Variants in PATE2 observed in about 807,000 individuals in gnomAD.
PATE2 encodes the protein prostate and testis expressed protein 2.
In PATE2, 7 loss-of-function variants were observed where a neutral mutation model predicts 10.5. The observed-to-expected ratio is 0.66, with a 90% confidence interval of 0.38 to 1.25. The LOEUF (loss-of-function observed/expected upper bound fraction) is 1.25. Ranked by LOEUF, PATE2 falls within the 50% of genes most tolerant of loss-of-function variation. The pLI, the probability that PATE2 is intolerant of heterozygous loss-of-function variation, is 0.02. For synonymous variants in PATE2, 44 were observed against 46.9 expected (o/e 0.94, Z 0.25); for missense variants, 133 against 135.4 (o/e 0.98, Z 0.09).
Position 125,777,168 on chromosome 11 carries a change from C to T in PATE2, c.*214G>A, listed in dbSNP as rs760077644. The T allele has an allele frequency of 8.4e-5, 42 of 502,296 alleles. No homozygotes were observed. Among genetic ancestry groups the T allele is most frequent in the Non-Finnish European group, 1.3e-4 (38 of 286,092 alleles). 31.1% of individuals were successfully genotyped at this position (502,296 alleles called of 1,614,324 possible). ...GAGCAAAACCCCTCCCACCTGTTAG[C>T]GACAGGGATGTGCAAAGAGTGAGTC... On this transcript the variant is annotated 3_prime_UTR_variant, in exon 4 of 4. Coordinates refer to ENST00000358524, the MANE Select transcript of PATE2 (RefSeq NM_212555.3).
chr11:125,777,871 T>C lies in PATE2; in HGVS notation c.205+3A>G. 1 of 1,612,960 alleles carries C rather than the reference T, an allele frequency of 6.2e-7. No individual in the cohort carries two copies. Among genetic ancestry groups the C allele is most frequent in the Non-Finnish European group, 8.5e-7 (1 of 1,179,372 alleles). On this transcript the variant is annotated splice_donor_region_variant and intron_variant, in intron 3 of 3. Coordinates refer to ENST00000358524, the MANE Select transcript of PATE2 (RefSeq NM_212555.3). The stretch of plus-strand genomic sequence containing the variant: ...TTTCCAGTCACTCTATACTCCACAT[T>C]ACCTTTCCTTGTAAGGATGTAAAAG...
At chr11:125,777,556 C>G in intron 3 of PATE2, 38 bp from the exon 4 acceptor site, 1 of 1,610,748 alleles carries the variant, frequency 6.2e-7, no homozygotes, top group Non-Finnish European at 8.5e-7. Flanking sequence ...ATCATAATGA[C>G]CTCATTTCCT....
chr11:125,777,649 G>C, intron 3 of PATE2, 131 bp from the exon 4 acceptor site: 1 of 1,249,152 alleles, frequency 8.0e-7, no homozygotes, highest in East Asian at 2.5e-5. Context: ...AGCTGAGTCT[G>C]TTAATTGCTG....
In PATE2 at chr11:125,778,776, T is replaced by C; in HGVS notation, c.-3A>G. ...CCCAGGAGAAAGAGAACAAGCATCC[T>C]GGAGCTTCTGTCAGGTGCAGCTTCC... On this transcript the variant is annotated 5_prime_UTR_variant, in exon 1 of 4. Coordinates refer to ENST00000358524, the MANE Select transcript of PATE2 (RefSeq NM_212555.3). 6.2e-7 allele frequency: 1 copy of C among 1,613,466 alleles called. No homozygotes were observed.
At position 125,778,056 on chromosome 11, in the gene PATE2, G is replaced by T; in HGVS notation, c.77-54C>A. The T allele has an allele frequency of 3.8e-6, 6 of 1,584,770 alleles. No homozygotes were observed. In the South Asian group the frequency reaches 6.7e-5, roughly 18 times the overall value. On this transcript the variant is annotated intron_variant, in intron 2 of 3. Transcript: ENST00000358524. ...GGATGCAGTCTTGAGAATATTCTCT[G>T]GGGCTGGGGGCTTCACTACAGGACC... is the stretch of plus-strand genomic sequence containing the variant.
rs1055288006 is a variant in PATE2, at chr11:125,776,830, T to G, written c.*552A>C. On this transcript the variant is annotated 3_prime_UTR_variant, in exon 4 of 4. Coordinates refer to ENST00000358524, the MANE Select transcript of PATE2 (RefSeq NM_212555.3). Reference sequence around the variant, plus strand: ...ATGCTCATCCCTATGTCTGTTCAGTTTTTTTTTTTCTGCCCTGAGGTTCCC... The same window carrying G: ...ATGCTCATCCCTATGTCTGTTCAGTGTTTTTTTTTCTGCCCTGAGGTTCCC... 1 of 3,346 alleles carries G rather than the reference T, an allele frequency of 3.0e-4. No homozygotes were observed. The highest frequency in any genetic ancestry group is 5.6e-3 in the Admixed American group (1 of 178). 0.2% of individuals were successfully genotyped at this position (3,346 alleles called of 1,614,324 possible).
At chr11:125,778,267 A>G (rs1026902382) in intron 2 of PATE2, among the ~76,000 whole-genome samples, 2 of 152,134 alleles carry the variant, frequency 1.3e-5, no homozygotes, top group African/African-American at 4.8e-5. Flanking sequence ...ACTGTATATG[A>G]TTTCAGGAGG....
Position 125,778,562 on chromosome 11 carries a change from G to C in PATE2, c.66C>G (p.Asp22Glu), listed in dbSNP as rs776320795. 2.5e-6 allele frequency: 4 copies of C among 1,613,480 alleles called. No homozygotes were observed. In the Admixed American group the frequency reaches 6.7e-5, roughly 27 times the overall value. The change falls in exon 2 of 4, where the codon GAC becomes GAG. Residue 22 changes from aspartate (D) to glutamate (E), a missense_variant. Transcript: ENST00000358524. ...AAGCCATGATTGTACCTTTTATAGG[G>C]TCATGAAGTTCACCTGTGAAAAGAA... ...LLCPYWGELH[D>E]PIKATEIMCY...
intron 2 of PATE2, 151 bp from the exon 3 acceptor site, chr11:125,778,153 A>G: frequency 1.3e-6 from 1 of 760,380 alleles, no homozygotes; most frequent in Non-Finnish European, 2.1e-6. Context: ...AGATAGGGAT[A>G]ATCATGCTGC....
chr11:125,778,063 G>A (rs1943504020), intron 2 of PATE2, 61 bp from the exon 3 acceptor site: 5 of 1,575,454 alleles, frequency 3.2e-6, no homozygotes, highest in Non-Finnish European at 4.3e-6. Flanking sequence ...TCTGGGGCTG[G>A]GGGCTTCACT....
chr11:125,777,270 G>T lies in PATE2; in HGVS notation c.*112C>A. 1 of 1,297,682 alleles carries T rather than the reference G, an allele frequency of 7.7e-7. No individual in the cohort carries two copies. Among genetic ancestry groups the T allele is most frequent in the Non-Finnish European group, 1.1e-6 (1 of 938,016 alleles). 80.4% of individuals were successfully genotyped at this position (1,297,682 alleles called of 1,614,324 possible). A position where few individuals can be genotyped will look rare whatever the true frequency, so the allele number is the denominator to read the frequency against. On this transcript the variant is annotated 3_prime_UTR_variant, in exon 4 of 4. Transcript: ENST00000358524. ...CTGCTTGTCTTTTCACTATGAGCTG[G>T]CTTTCTCACTCTCTACCAATGCATA...
In PATE2 at chr11:125,777,382, C is replaced by A. The variant is rs1943494775; in HGVS notation, c.342G>T (p.Ter114TyrextTer21). 3 of 1,613,196 alleles carry A rather than the reference C, an allele frequency of 1.9e-6. No individual in the cohort carries two copies. The highest frequency in any genetic ancestry group is 8.5e-7 in the Non-Finnish European group (1 of 1,179,492). The change falls in exon 4 of 4, where the codon TAG (stop) becomes TAT (tyrosine). Residue 114 changes from the stop codon to tyrosine (Y), a stop_lost. Coordinates refer to ENST00000358524, the MANE Select transcript of PATE2 (RefSeq NM_212555.3). ...CCCAAAATCCAGGAGAGACGTAGAA[C>A]TAAACTCCCTCAGGGAGGTTGCAGT... The part of the protein sequence containing the change: ...SNYCNLPEGV[*>Y]
chr11:125,778,527 G>T, intron 2 of PATE2, 25 bp downstream of exon 2: 1 of 1,612,178 alleles, frequency 6.2e-7, no homozygotes, highest in Non-Finnish European at 8.5e-7. Context: ...GTTTACCAAG[G>T]ACTTCAGAGA....
At position 125,777,890 on chromosome 11, in the gene PATE2, G is replaced by GAAA. The variant is rs763460712; in HGVS notation, c.188_189insTTT (p.Tyr63_Ile64insPhe). 5.9e-5 allele frequency: 95 copies of GAAA among 1,613,264 alleles called. 1 individual carries two copies. Among genetic ancestry groups the GAAA allele is most frequent in the South Asian group, 4.1e-4 (37 of 91,050 alleles). ...CCACATTACCTTTCCTTGTAAGGAT[G>GAAA]TAAAAGTTCTCAACTGCACAGGACT... On this transcript the variant is annotated inframe_insertion, in exon 3 of 4. Coordinates refer to ENST00000358524, the MANE Select transcript of PATE2 (RefSeq NM_212555.3).
chr11:125,777,624 C>T, intron 3 of PATE2, 106 bp from the exon 4 acceptor site: 1 of 1,412,086 alleles, frequency 7.1e-7, no homozygotes, highest in Non-Finnish European at 9.7e-7. Context: ...TTCTCTAGGC[C>T]CAAATGAGTT....
chr11:125,778,662 C>T (rs1943509979), intron 1 of PATE2, 60 bp downstream of exon 1: 2 of 1,611,928 alleles, frequency 1.2e-6, no homozygotes, highest in Admixed American at 3.3e-5. Context: ...CTTTCTCTTC[C>T]CCCAGCATCT....
Position 125,776,329 on chromosome 11 carries a change from C to T in PATE2, c.*1053G>A, listed in dbSNP as rs921646780. On this transcript the variant is annotated 3_prime_UTR_variant, in exon 4 of 4. Transcript: ENST00000358524. ...AGTCAGCCTTATAAGGACAGAAACA[C>T]CAGGGTTAGTGTGTATCCAAGGAAA... 6.6e-6 allele frequency: 1 copy of T among 152,144 alleles called. No homozygotes were observed. Among genetic ancestry groups the T allele is most frequent in the Admixed American group, 6.6e-5 (1 of 15,256 alleles). 9.4% of individuals were successfully genotyped at this position (152,144 alleles called of 1,614,324 possible).
intron 2 of PATE2, 56 bp downstream of exon 2, chr11:125,778,496 T>C (rs953519464): frequency 6.3e-7 from 1 of 1,581,394 alleles, no homozygotes; most frequent in African/African-American, 1.3e-5. Context: ...GGTTTGCTCC[T>C]AAACATGTCA....
Position 125,777,218 on chromosome 11 carries a change from C to T in PATE2, c.*164G>A, listed in dbSNP as rs1020636944. On this transcript the variant is annotated 3_prime_UTR_variant, in exon 4 of 4. Transcript: ENST00000358524. ...CTAGTGCTCCATCATCAATAGGCTC[C>T]GCTGTCCACACTGCGTCTCCTTATG... 3.9e-5 allele frequency: 29 copies of T among 741,838 alleles called. No homozygotes were observed. Among genetic ancestry groups the T allele is most frequent in the Admixed American group, 5.8e-5 (2 of 34,230 alleles). The allele number at this position is 741,838 out of a possible 1,614,324, so 46.0% of individuals were successfully genotyped here.
Sources: gnomAD v4.1 joint callset for allele counts (sites outside exome capture counted in the v4.1 genomes callset) on GRCh38, gnomAD v4.1.1 for gene constraint, MANE v1.5 for transcripts, NCBI Gene and HGNC (gene_info 2026-07-23, HGNC 2026-07-21) for gene names.